TNC: variants seen among roughly 807,000 people sequenced by gnomAD.
TNC encodes the protein tenascin.
TNC carries 109 observed loss-of-function variants against 202.4 expected under a neutral mutation model. That is an observed-to-expected ratio of 0.54 (90% CI 0.46 to 0.63). The LOEUF (loss-of-function observed/expected upper bound fraction) is 0.63. Among genes scored for constraint, TNC ranks in the 30% least tolerant of loss-of-function variants. TNC has a pLI of 0.00. For synonymous variants in TNC, 1,007 were observed against 1,089.7 expected (o/e 0.92, Z 1.50); for missense variants, 2,756 against 2,833.3 (o/e 0.97, Z 0.62).
intron 17 of TNC, among the ~76,000 whole-genome samples, chr9:115,045,827 T>A (rs1320592510): frequency 1.3e-5 from 2 of 152,140 alleles, no homozygotes; most frequent in Non-Finnish European, 2.9e-5. Context: ...AACAGTAGCA[T>A]GTTAATCTTG....
intron 15 of TNC, among the ~76,000 whole-genome samples, chr9:115,050,020 T>G (rs901414863): frequency 2.6e-5 from 4 of 152,194 alleles, no homozygotes; most frequent in Non-Finnish European, 5.9e-5. Context: ...ATCATAATTC[T>G]ATCAAAAGCG....
chr9:115,048,542 G>A lies in TNC; in HGVS notation c.4580-10C>T, dbSNP rs760531052. On this transcript the variant is annotated splice_polypyrimidine_tract_variant and intron_variant, in intron 15 of 27. Transcript: ENST00000350763. ...AGAAGGGGCAGGGCCTCTGAAAGAAGGGAGGAGTGAAAATAACTCAGGTTA... is the reference window on the plus strand; with the variant it reads ...AGAAGGGGCAGGGCCTCTGAAAGAAAGGAGGAGTGAAAATAACTCAGGTTA... 5.0e-6 allele frequency: 8 copies of A among 1,605,818 alleles called. No individual in the cohort carries two copies. Among genetic ancestry groups the A allele is most frequent in the Non-Finnish European group, 6.8e-6 (8 of 1,177,110 alleles).
chr9:115,076,275 A>G, intron 8 of TNC, 115 bp downstream of exon 8: 1 of 1,430,056 alleles, frequency 7.0e-7, no homozygotes, highest in African/African-American at 1.4e-5. Context: ...GCAGTATTTC[A>G]GGAAATTGGA....
chr9:115,025,531 G>C (rs1195697418), intron 26 of TNC, among the ~76,000 whole-genome samples: 3 of 152,074 alleles, frequency 2.0e-5, no homozygotes, highest in Non-Finnish European at 2.9e-5. Flanking sequence ...TGGGTTGCAT[G>C]GGGGTGGTCC....
rs1458786704 is a variant in TNC at position 115,031,565 on chromosome 9, T to C, written c.5908A>G (p.Ile1970Val). The change falls in exon 23 of 28, where the codon ATC (isoleucine) becomes GTC (valine). Residue 1970 changes from isoleucine (I) to valine (V), a missense_variant. Ile to Val is a conservative substitution (Grantham distance 29, BLOSUM62 3). Coordinates refer to ENST00000350763, the MANE Select transcript of TNC (RefSeq NM_002160.4). The stretch of plus-strand genomic sequence containing the variant: ...TGGGCCTCCTTACTTGTGGTGAAGA[T>C]GGTCTGGATCATATTGCTCCTCAGG... ...GPLRSNMIQTIFTTIGLLYPF... is the reference protein window; with the variant it reads ...GPLRSNMIQTVFTTIGLLYPF... 8 of 1,576,596 alleles carry C rather than the reference T, an allele frequency of 5.1e-6. No homozygotes were observed. In the African/African-American group the frequency reaches 5.5e-5, roughly 11 times the overall value.
intron 19 of TNC, among the ~76,000 whole-genome samples, chr9:115,039,204 G>C (rs983662635): frequency 6.6e-6 from 1 of 152,130 alleles, no homozygotes; most frequent in Non-Finnish European, 1.5e-5. Flanking sequence ...GGCTCTGGAG[G>C]CCGGTGGTCC....
Position 115,102,207 on chromosome 9 carries a change from A to G in TNC, c.-136-11053T>C, listed in dbSNP as rs117375402. Among the ~76,000 whole-genome samples the G allele has an allele frequency of 1.6e-3, 243 of 152,302 alleles. No homozygotes were observed. The East Asian group carries it at 0.024, about 15-fold the overall frequency. ...GAGTCCAAAGTCAGGGCTCTGAACC[A>G]TGATTTTATACAGCCTTTTGTGCTG... On this transcript the variant is annotated intron_variant, in intron 1 of 27. Coordinates refer to ENST00000350763, the MANE Select transcript of TNC (RefSeq NM_002160.4).
At position 115,062,878 on chromosome 9, in the gene TNC, C is replaced by T. The variant is rs760697813; in HGVS notation, c.4033+39G>A. ...TTTCTCTATTTCAATGACATGCTGG[C>T]TCCTATCATGTCTCCAGTCTGGGAG... On this transcript the variant is annotated intron_variant, in intron 13 of 27. Coordinates refer to ENST00000350763, the MANE Select transcript of TNC (RefSeq NM_002160.4). The T allele has an allele frequency of 1.9e-6, 3 of 1,588,450 alleles. No homozygotes were observed. In the African/African-American group the frequency reaches 4.0e-5, roughly 21 times the overall value.
chr9:115,042,170 T>G lies in TNC; in HGVS notation c.5248+49A>C, dbSNP rs559874931. On this transcript the variant is annotated intron_variant, in intron 18 of 27. Transcript: ENST00000350763. ...TATCAGGGTCTTTTTCATGAATCCATCCAAACCCACAACACTCCTCCTCTC... is the reference window on the plus strand; with the variant it reads ...TATCAGGGTCTTTTTCATGAATCCAGCCAAACCCACAACACTCCTCCTCTC... 16 of 1,590,954 alleles carry G rather than the reference T, an allele frequency of 1.0e-5. No individual in the cohort carries two copies. The Admixed American group carries it at 2.7e-4, about 27-fold the overall frequency.
chr9:115,020,893 C>T lies in TNC; in HGVS notation c.*264G>A, dbSNP rs780780353. ...ACCTAAGAGAAGTAAAAAACTATTG[C>T]GATGTTGTCACTGGGAGATTTTTGC... On this transcript the variant is annotated 3_prime_UTR_variant, in exon 28 of 28. Transcript: ENST00000350763. The T allele has an allele frequency of 4.8e-5, 21 of 437,610 alleles. No homozygotes were observed. The highest frequency in any genetic ancestry group is 6.7e-5 in the South Asian group (2 of 29,750). The allele number at this position is 437,610 out of a possible 1,614,324, so 27.1% of individuals were successfully genotyped here.
intron 22 of TNC, among the ~76,000 whole-genome samples, chr9:115,034,807 G>A (rs1419379899): frequency 1.3e-5 from 2 of 152,164 alleles, no homozygotes; most frequent in Non-Finnish European, 2.9e-5. Flanking sequence ...GGTATTAACA[G>A]TTGATATCAT....
In TNC at chr9:115,087,199, G is replaced by A. The variant is rs541681530; in HGVS notation, c.532C>T (p.Pro178Ser). The change falls in exon 3 of 28, where the codon CCT (proline) becomes TCT (serine). Residue 178 changes from proline to serine, a missense_variant. Pro to Ser is a moderately conservative substitution (Grantham distance 74). This residue lies in a region of TNC where 2,559 missense variants were observed against 2,546.0 expected (regional missense o/e 1.01). Transcript: ENST00000350763. ...GAGCAGTTGGGGCCTTTCCAGCCAG[G>A]TTCGCAGACACAGCCACATCCTTCA... ...STEGCGCVCEPGWKGPNCSEP... is the reference protein window; with the variant it reads ...STEGCGCVCESGWKGPNCSEP... The A allele has an allele frequency of 5.6e-6, 9 of 1,614,118 alleles. No homozygotes were observed. Among genetic ancestry groups the A allele is most frequent in the Non-Finnish European group, 7.6e-6 (9 of 1,180,062 alleles).
chr9:115,091,838 C>A (rs753428087), intron 1 of TNC, among the ~76,000 whole-genome samples: 1 of 152,170 alleles, frequency 6.6e-6, no homozygotes, highest in Admixed American at 6.5e-5. Context: ...TTTCCCTGCT[C>A]CTTGATTTAT....
At chr9:115,029,222 T>A in intron 25 of TNC, 138 bp downstream of exon 25, 1 of 699,326 alleles carries the variant, frequency 1.4e-6, no homozygotes, top group Non-Finnish European at 2.5e-6. Flanking sequence ...TCATTAAGAA[T>A]TTGACATTCT....
chr9:115,029,318 A>C (rs1334510869), intron 25 of TNC, 42 bp downstream of exon 25: 1 of 1,580,172 alleles, frequency 6.3e-7, no homozygotes, highest in African/African-American at 1.3e-5. Flanking sequence ...CAAGGAGGGC[A>C]GAATCAGGCA....
chr9:115,090,903 G>A lies in TNC; in HGVS notation c.116C>T (p.Ala39Val), dbSNP rs901142297. ...IRHKRQSGVNATLPEENQPVV... is the reference protein window; with the variant it reads ...IRHKRQSGVNVTLPEENQPVV... ...TGGCTGGTTCTCTTCTGGCAGGGTG[G>A]CGTTCACCCCACTCTGTCGCTTGTG... Residue 39 changes from alanine to valine, a missense_variant, in exon 2 of 28, where the codon GCC (alanine) becomes GTC (valine). By Grantham distance (64) the Ala-to-Val change is moderately conservative (BLOSUM62 0). Coordinates refer to ENST00000350763, the MANE Select transcript of TNC (RefSeq NM_002160.4). 4.3e-6 allele frequency: 7 copies of A among 1,614,062 alleles called. No homozygotes were observed. The highest frequency in any genetic ancestry group is 1.6e-4 in the Middle Eastern group (1 of 6,084).
chr9:115,059,657 G>T lies in TNC; in HGVS notation c.4306+73C>A. The T allele has an allele frequency of 2.1e-6, 3 of 1,451,766 alleles. No individual in the cohort carries two copies. In the South Asian group the frequency reaches 4.2e-5, roughly 20 times the overall value. The allele number at this position is 1,451,766 out of a possible 1,614,324, so 89.9% of individuals were successfully genotyped here. On this transcript the variant is annotated intron_variant, in intron 14 of 27. Transcript: ENST00000350763. ...AAGGATTCAGTTATGGCGAGATGCT[G>T]ACTCCGCGCATGATCTCTTGAAAAG...
At chr9:115,061,476 T>C (rs1023570737) in intron 13 of TNC, among the ~76,000 whole-genome samples, 1 of 152,208 alleles carries the variant, frequency 6.6e-6, no homozygotes, top group Non-Finnish European at 1.5e-5. Flanking sequence ...CAGAGGAAGA[T>C]ATGAGCATCT....
intron 15 of TNC, among the ~76,000 whole-genome samples, chr9:115,055,208 A>G (rs1360023174): frequency 6.6e-6 from 1 of 152,256 alleles, no homozygotes; most frequent in Non-Finnish European, 1.5e-5. Flanking sequence ...TTAGAAATTC[A>G]ACCAAAGCAA....
Sources: gnomAD v4.1 joint callset for allele counts (sites outside exome capture counted in the v4.1 genomes callset) on GRCh38, gnomAD v4.1.1 for gene constraint, gnomAD v4.1.1 regional missense constraint, MANE v1.5 for transcripts, NCBI Gene and HGNC (gene_info 2026-07-23, HGNC 2026-07-21) for gene names.